GAS7: variants seen among roughly 807,000 people sequenced by gnomAD.
GAS7 encodes growth arrest specific 7.
A neutral mutation model predicts 71.1 loss-of-function variants in GAS7; 28 were observed. That is an observed-to-expected ratio of 0.39 (90% confidence interval 0.29 to 0.54). GAS7 has a LOEUF of 0.54. Among genes scored for constraint, GAS7 ranks in the 20% least tolerant of loss-of-function variants. The pLI is 0.62. For synonymous variants in GAS7, 258 were observed against 245.8 expected (o/e 1.05, Z -0.46); for missense variants, 436 against 627.8 (o/e 0.69, Z 3.27).
intron 6 of GAS7, among the ~76,000 whole-genome samples, chr17:9,944,468 G>A (rs974570294): frequency 1.3e-5 from 2 of 152,154 alleles, no homozygotes; most frequent in Non-Finnish European, 2.9e-5. Context: ...CCACCCCCTT[G>A]AAATAGGGGT....
chr17:10,048,312 C>A (rs575251643), intron 1 of GAS7, among the ~76,000 whole-genome samples: 2 of 152,336 alleles, frequency 1.3e-5, no homozygotes, highest in Non-Finnish European at 2.9e-5. Flanking sequence ...AGCTAAACTC[C>A]ATCTCAAAAC....
At chr17:9,964,864 G>GAGGT (rs1175014795) in intron 4 of GAS7, among the ~76,000 whole-genome samples, 19 of 152,222 alleles carry the variant, frequency 1.2e-4, no homozygotes, top group African/African-American at 4.1e-4. Flanking sequence ...TTGAATTATT[G>GAGGT]AGGTAGGTAG....
At chr17:9,944,661 G>A (rs1018939785) in intron 6 of GAS7, among the ~76,000 whole-genome samples, 4 of 152,168 alleles carry the variant, frequency 2.6e-5, no homozygotes, top group East Asian at 1.9e-4. Context: ...AAAGGCCTCC[G>A]GCCACGCTGC....
intron 1 of GAS7, among the ~76,000 whole-genome samples, chr17:10,115,749 C>T (rs2073855323): frequency 6.6e-6 from 1 of 152,200 alleles, no homozygotes; most frequent in South Asian, 2.1e-4. Flanking sequence ...TCTCCCCCGC[C>T]CCTAGTCCCT....
chr17:9,957,119 TC>T (rs1222135518), intron 5 of GAS7, among the ~76,000 whole-genome samples: 1 of 114,566 alleles, frequency 8.7e-6, no homozygotes, highest in Non-Finnish European at 2.2e-5. Flanking sequence ...GCTCAGTTTC[TC>T]TGGCAAAAAA....
intron 2 of GAS7, among the ~76,000 whole-genome samples, chr17:9,999,689 TA>T (rs1455922774): frequency 6.6e-6 from 1 of 152,206 alleles, no homozygotes; most frequent in Non-Finnish European, 1.5e-5. Flanking sequence ...GATGGCCATT[TA>T]GCCCCACGGC....
At chr17:9,970,418 TCAGGAGTTTGAGAC>T (rs2069912638) in intron 3 of GAS7, among the ~76,000 whole-genome samples, 1 of 151,986 alleles carries the variant, frequency 6.6e-6, no homozygotes, top group Non-Finnish European at 1.5e-5. Flanking sequence ...TCATGTGAGG[TCAGGAGTTTGAGAC>T]CAGCCTAGCC....
At position 10,057,410 on chromosome 17, in the gene GAS7, C is replaced by T. The variant is rs2073156210; in HGVS notation, c.184-37513G>A. 2.0e-5 allele frequency among the ~76,000 whole-genome samples: 3 copies of T among 152,130 alleles called. No homozygotes were observed. The South Asian group carries it at 6.2e-4, about 32-fold the overall frequency. On this transcript the variant is annotated intron_variant, in intron 1 of 13. Coordinates refer to ENST00000432992, the MANE Select transcript of GAS7 (RefSeq NM_201433.2). ...GGGGAGCGCCTCTGCCCTGCCGCCC[C>T]GTCTGGAATGTGGGGAGCGCCTCTG...
intron 1 of GAS7, among the ~76,000 whole-genome samples, chr17:10,126,794 G>A (rs1019315660): frequency 2.0e-5 from 3 of 152,226 alleles, no homozygotes; most frequent in Non-Finnish European, 4.4e-5. Flanking sequence ...GAACCAAGCC[G>A]GCTCTGACTC....
intron 1 of GAS7, among the ~76,000 whole-genome samples, chr17:10,048,089 G>A (rs1303781507): frequency 2.0e-5 from 3 of 152,188 alleles, no homozygotes; most frequent in African/African-American, 4.8e-5. Context: ...ATCACTTGAG[G>A]TCAGGAGTTC....
chr17:10,063,390 G>A (rs2073241760), intron 1 of GAS7, among the ~76,000 whole-genome samples: 1 of 152,170 alleles, frequency 6.6e-6, no homozygotes, highest in South Asian at 2.1e-4. Context: ...CTCTGCTGAG[G>A]AAACCTCTTA....
chr17:10,107,239 A>G (rs2073765258), intron 1 of GAS7, among the ~76,000 whole-genome samples: 1 of 152,218 alleles, frequency 6.6e-6, no homozygotes, highest in Admixed American at 6.5e-5. Context: ...AAACTAACAC[A>G]CTTCCTCTTA....
intron 1 of GAS7, among the ~76,000 whole-genome samples, chr17:10,093,345 GCAGATCACAAGGTCAA>G (rs1253188337): frequency 2.0e-5 from 3 of 151,862 alleles, no homozygotes; most frequent in African/African-American, 7.3e-5. Flanking sequence ...TGGGAGGCGG[GCAGATCACAAGGTCAA>G]CAGATTGAGA....
At chr17:10,039,171 T>C (rs1435940607) in intron 1 of GAS7, among the ~76,000 whole-genome samples, 1 of 151,292 alleles carries the variant, frequency 6.6e-6, no homozygotes, top group Non-Finnish European at 1.5e-5. Context: ...CACTGAACTA[T>C]ACATTTAAAA....
rs75463331 is a variant in GAS7, at chr17:10,013,476, T to C, written c.304+6301A>G. Among the ~76,000 whole-genome samples the C allele has an allele frequency of 6.3e-3, 955 of 152,266 alleles. 9 individuals are homozygous for C. The highest frequency in any genetic ancestry group is 0.022 in the African/African-American group (913 of 41,550). On this transcript the variant is annotated intron_variant, in intron 2 of 13. Coordinates refer to ENST00000432992, the MANE Select transcript of GAS7 (RefSeq NM_201433.2). Reference sequence around the variant, plus strand: ...CCCTGGACAGCACAAGACAAGCAATTTCCTGATACCAAAACCCTGGGAGTT... The same window carrying C: ...CCCTGGACAGCACAAGACAAGCAATCTCCTGATACCAAAACCCTGGGAGTT...
chr17:10,015,469 A>C (rs1205330540), intron 2 of GAS7, among the ~76,000 whole-genome samples: 2 of 152,220 alleles, frequency 1.3e-5, no homozygotes, highest in Non-Finnish European at 2.9e-5. Flanking sequence ...GCAAGGGGCC[A>C]GGCAGAAAGG....
intron 1 of GAS7, among the ~76,000 whole-genome samples, chr17:10,125,537 GAAA>G (rs34160339): frequency 1.0e-5 from 1 of 99,930 alleles, no homozygotes; most frequent in Non-Finnish European, 2.2e-5. Flanking sequence ...AAAAAAAAAA[GAAA>G]AAAAAAAAAG....
Position 9,959,529 on chromosome 17 carries a change from G to T in GAS7, c.472-274C>A. The T allele has an allele frequency of 8.4e-7, 1 of 1,185,650 alleles. No individual in the cohort carries two copies. Among genetic ancestry groups the T allele is most frequent in the Non-Finnish European group, 1.1e-6 (1 of 903,294 alleles). 73.4% of individuals were successfully genotyped at this position (1,185,650 alleles called of 1,614,324 possible). ...CCAGGTCTCCCCTCCTCTTCTCTCA[G>T]TCTGTGATTTGGGGAGTTAACCCCT... On this transcript the variant is annotated intron_variant, in intron 4 of 13. Coordinates refer to ENST00000432992, the MANE Select transcript of GAS7 (RefSeq NM_201433.2). This position sits in a 1 kb window ranked among gnomAD's most constrained non-coding sequence, Gnocchi z 5.0.
At chr17:10,063,296 CTGTG>C (rs148528620) in intron 1 of GAS7, among the ~76,000 whole-genome samples, 2 of 151,846 alleles carry the variant, frequency 1.3e-5, no homozygotes, top group East Asian at 1.9e-4. Context: ...GTTTGTGTGT[CTGTG>C]TGTGTGTGTG....
Sources: allele counts gnomAD v4.1 joint callset (sites outside exome capture counted in the v4.1 genomes callset), GRCh38; gene constraint gnomAD v4.1.1; non-coding constraint Gnocchi (gnomAD v3.1); transcripts MANE v1.5; gene names NCBI Gene and HGNC (gene_info 2026-07-23, HGNC 2026-07-21).